ABCA8: variants seen among roughly 807,000 people sequenced by gnomAD.
ABCA8 encodes the protein ATP binding cassette subfamily A member 8.
ABCA8 carries 177 observed loss-of-function variants against 192.3 expected under a neutral mutation model. That is an observed-to-expected ratio of 0.92 (90% confidence interval 0.81 to 1.04). ABCA8 has a LOEUF of 1.04. Ranked by LOEUF, ABCA8 falls within the 50% of genes least tolerant of loss-of-function variation. The pLI is 0.00. For synonymous variants in ABCA8, 642 were observed against 690.2 expected (o/e 0.93, Z 1.09); for missense variants, 1,915 against 1,904.8 (o/e 1.01, Z -0.10).
intron 4 of ABCA8, among the ~76,000 whole-genome samples, chr17:68,937,996 GT>G (rs2068116165): frequency 6.6e-6 from 1 of 152,080 alleles, no homozygotes; most frequent in African/African-American, 2.4e-5. Flanking sequence ...ATTGCATGTG[GT>G]TTTGAATGAG....
At chr17:68,941,840 G>T in intron 3 of ABCA8, 99 bp downstream of exon 3, 2 of 740,088 alleles carry the variant, frequency 2.7e-6, no homozygotes, top group Non-Finnish European at 4.5e-6. Context: ...TAGTGTTTTT[G>T]GTGTATGTGT....
In ABCA8 at chr17:68,875,626, GA is replaced by G. The variant is rs759988638; in HGVS notation, c.4477del (p.Ser1493LeufsTer4). Reference protein sequence around the residue: ...AVCDRVAIMVSGRLRCIGSIQ... With the variant: ...AVCDRVAIMVXGRLRCIGSIQ... ...GACAGGCACTCACCTCAACCTCCCA[GA>G]TACCATGATGGCCACTCGGTCACAC... On this transcript the variant is annotated frameshift_variant, in exon 36 of 40. Transcript: ENST00000586539. LOFTEE classifies it high-confidence loss of function. 2 of 1,614,092 alleles carry G rather than the reference GA, an allele frequency of 1.2e-6. No homozygotes were observed. The highest frequency in any genetic ancestry group is 2.2e-5 in the South Asian group (2 of 91,072).
chr17:68,946,044 T>C (rs1312197931), intron 2 of ABCA8, among the ~76,000 whole-genome samples: 1 of 147,422 alleles, frequency 6.8e-6, no homozygotes, highest in African/African-American at 2.6e-5. Flanking sequence ...TGCTAGCTTT[T>C]TACCAAAATT....
intron 17 of ABCA8, among the ~76,000 whole-genome samples, chr17:68,915,574 G>A (rs765294971): frequency 6.6e-6 from 1 of 152,020 alleles, no homozygotes; most frequent in Non-Finnish European, 1.5e-5. Flanking sequence ...ACTACAATGA[G>A]ACATCATCTC....
intron 17 of ABCA8, among the ~76,000 whole-genome samples, chr17:68,913,941 T>G (rs1294500286): frequency 6.6e-6 from 1 of 151,978 alleles, no homozygotes; most frequent in Non-Finnish European, 1.5e-5. Context: ...AACAACACAT[T>G]AAAAAATCAT....
At chr17:68,894,084 A>C in intron 23 of ABCA8, 89 bp downstream of exon 23, 1 of 1,406,374 alleles carries the variant, frequency 7.1e-7, no homozygotes, top group Non-Finnish European at 1.0e-6. Flanking sequence ...TGGTTTACTC[A>C]ATAAAAACAA....
At chr17:68,915,873 C>T (rs1598253047) in intron 17 of ABCA8, among the ~76,000 whole-genome samples, 1 of 152,106 alleles carries the variant, frequency 6.6e-6, no homozygotes, top group Non-Finnish European at 1.5e-5. Flanking sequence ...TGGAAGCAAC[C>T]TAAGTGTCCA....
At chr17:68,923,095 T>C (rs891405912) in intron 11 of ABCA8, among the ~76,000 whole-genome samples, 13 of 152,194 alleles carry the variant, frequency 8.5e-5, no homozygotes, top group African/African-American at 3.1e-4. Flanking sequence ...GGTAAGTATA[T>C]AATCCATAGG....
At chr17:68,874,469 C>T (rs2066149564) in intron 37 of ABCA8, among the ~76,000 whole-genome samples, 1 of 152,204 alleles carries the variant, frequency 6.6e-6, no homozygotes, top group Admixed American at 6.5e-5. Context: ...AGAAGATTTA[C>T]ATTTCATTTC....
chr17:68,888,777 CT>C (rs1358486881), intron 24 of ABCA8, among the ~76,000 whole-genome samples: 1 of 152,072 alleles, frequency 6.6e-6, no homozygotes, highest in African/African-American at 2.4e-5. Flanking sequence ...AATTAGAGAT[CT>C]GGGGTAGAGT....
intron 11 of ABCA8, among the ~76,000 whole-genome samples, chr17:68,924,034 C>CA (rs1167705360): frequency 6.6e-6 from 1 of 151,812 alleles, no homozygotes; most frequent in East Asian, 1.9e-4. Flanking sequence ...TTTTAAAGGA[C>CA]AAAAAATAGA....
intron 32 of ABCA8, 43 bp downstream of exon 32, chr17:68,881,077 T>G: frequency 1.5e-6 from 2 of 1,336,372 alleles, no homozygotes; most frequent in Non-Finnish European, 2.2e-6. Context: ...CTTATCAATC[T>G]ATTTCACCAT....
rs1458327151 is a variant in ABCA8 at position 68,875,418 on chromosome 17, A to C, written c.4491-18T>G. The C allele has an allele frequency of 6.2e-7, 1 of 1,611,720 alleles. No individual in the cohort carries two copies. On this transcript the variant is annotated intron_variant, in intron 36 of 39. Transcript: ENST00000586539. ...CGATACATCTGGAGGATGAGGTCAT[A>C]TGAGAAAGGAGAAAAAAAAAACCAT... is the stretch of plus-strand genomic sequence containing the variant.
At chr17:68,873,622 C>T (rs1406784076) in intron 37 of ABCA8, among the ~76,000 whole-genome samples, 1 of 152,272 alleles carries the variant, frequency 6.6e-6, no homozygotes, top group East Asian at 1.9e-4. Context: ...GAACTCATTG[C>T]CAAGACCAAT....
intron 29 of ABCA8, among the ~76,000 whole-genome samples, chr17:68,883,080 G>A (rs1367316555): frequency 6.6e-6 from 1 of 152,136 alleles, no homozygotes. Context: ...TTAGATGCTT[G>A]ATCTCTCATT....
At chr17:68,929,343 T>C in intron 8 of ABCA8, 109 bp from the exon 9 acceptor site, 1 of 1,093,056 alleles carries the variant, frequency 9.1e-7, no homozygotes, top group Non-Finnish European at 1.3e-6. Flanking sequence ...CAGTTGTATA[T>C]TATAGTTATT....
chr17:68,938,881 G>A (rs931971019), intron 4 of ABCA8, among the ~76,000 whole-genome samples: 4 of 152,078 alleles, frequency 2.6e-5, no homozygotes, highest in African/African-American at 9.7e-5. Flanking sequence ...GTTAGGTTTG[G>A]TATAATCCAA....
chr17:68,908,880 G>A (rs185554231), intron 17 of ABCA8, among the ~76,000 whole-genome samples: 9 of 152,178 alleles, frequency 5.9e-5, no homozygotes, highest in African/African-American at 1.2e-4. Context: ...AGGGTTATTC[G>A]AACAATGGAA....
chr17:68,917,475 A>C (rs185423920), intron 16 of ABCA8, 24 bp from the exon 17 acceptor site: 31 of 1,571,300 alleles, frequency 2.0e-5, no homozygotes, highest in African/African-American at 1.8e-4. Context: ...AGAGCAAAGA[A>C]GAAAGTTTGT....
Sources: gnomAD v4.1 joint callset for allele counts (sites outside exome capture counted in the v4.1 genomes callset) on GRCh38, gnomAD v4.1.1 for gene constraint, MANE v1.5 for transcripts, NCBI Gene and HGNC (gene_info 2026-07-23, HGNC 2026-07-21) for gene names.